The following SHB variants were observed in gnomAD, a reference collection of about 807,000 sequenced individuals.
The protein encoded by SHB is SH2 domain-containing adapter protein B.
A neutral mutation model predicts 52.3 loss-of-function variants in SHB; 20 were observed. That is an observed-to-expected ratio of 0.38 (90% CI 0.27 to 0.56). The LOEUF (loss-of-function observed/expected upper bound fraction) is 0.56. Ranked by LOEUF, SHB falls within the 20% of genes least tolerant of loss-of-function variation. The pLI, the probability that SHB is intolerant of heterozygous loss-of-function variation, is 0.71. For missense variants in SHB, 825 were observed against 723.3 expected (o/e 1.14, Z -1.61); for synonymous variants, 397 against 316.5 (o/e 1.25, Z -2.70).
At chr9:38,034,151 G>A (rs955967951) in intron 1 of SHB, among the ~76,000 whole-genome samples, 44 of 152,266 alleles carry the variant, frequency 2.9e-4, no homozygotes, top group Non-Finnish European at 5.0e-4. Flanking sequence ...CTCACCCTGC[G>A]GGCAAGCCCT....
Position 37,954,896 on chromosome 9 carries a change from G to C in SHB, c.1226+987C>G, listed in dbSNP as rs1294891026. On this transcript the variant is annotated intron_variant, in intron 4 of 5. Transcript: ENST00000377707. The stretch of plus-strand genomic sequence containing the variant: ...AGGGAGATGATAACCATGGCCAAGG[G>C]GAGGGGCAATAAAGGGCCCGGCCCT... Among the ~76,000 whole-genome samples the C allele has an allele frequency of 2.0e-5, 3 of 152,136 alleles. No homozygotes were observed. The South Asian group carries it at 6.2e-4, about 32-fold the overall frequency.
At chr9:37,989,076 T>TGC (rs1820847548) in intron 2 of SHB, among the ~76,000 whole-genome samples, 1 of 129,508 alleles carries the variant, frequency 7.7e-6, no homozygotes, top group African/African-American at 2.8e-5. Context: ...CACATGCACA[T>TGC]ACACACACAC....
chr9:37,957,612 C>T (rs1170597539), intron 3 of SHB, among the ~76,000 whole-genome samples: 2 of 152,170 alleles, frequency 1.3e-5, no homozygotes, highest in Non-Finnish European at 2.9e-5. Context: ...ACAGGTAGTC[C>T]ACCCGCGATG....
At chr9:37,951,672 T>C (rs1187719957) in intron 4 of SHB, among the ~76,000 whole-genome samples, 2 of 152,246 alleles carry the variant, frequency 1.3e-5, no homozygotes, top group African/African-American at 4.8e-5. Flanking sequence ...TGCTCTGAGA[T>C]GGGGGCATGG....
rs556151654 is a variant in SHB, at chr9:38,046,195, A to C, written c.717+21734T>G. On this transcript the variant is annotated intron_variant, in intron 1 of 5. Coordinates refer to ENST00000377707, the MANE Select transcript of SHB (RefSeq NM_003028.3). ...TGAGCCGAGATAAGAAAAAAAAAGA[A>C]AAGAGGCACCTAATGTTTTCAGCCA... 7.2e-5 allele frequency among the ~76,000 whole-genome samples: 11 copies of C among 152,138 alleles called. No homozygotes were observed. In the South Asian group the frequency reaches 2.3e-3, roughly 32 times the overall value.
chr9:38,049,512 G>A (rs968941984), intron 1 of SHB, among the ~76,000 whole-genome samples: 6 of 151,810 alleles, frequency 4.0e-5, no homozygotes, highest in Non-Finnish European at 8.8e-5. Flanking sequence ...TTGGGAGGCT[G>A]AGACAGAAGA....
At chr9:37,979,773 A>G (rs748819029) in intron 2 of SHB, among the ~76,000 whole-genome samples, 2 of 152,218 alleles carry the variant, frequency 1.3e-5, no homozygotes, top group South Asian at 4.1e-4. Flanking sequence ...TCTGGCCAAC[A>G]TGGTGAAACC....
rs117760110 is a variant in SHB, at chr9:37,944,595, G to A, written c.1346+4040C>T. Among the ~76,000 whole-genome samples, 431 of 152,174 alleles carry A rather than the reference G, an allele frequency of 2.8e-3. 2 individuals are homozygous for A. The highest frequency in any genetic ancestry group is 4.6e-3 in the Non-Finnish European group (311 of 68,004). On this transcript the variant is annotated intron_variant, in intron 5 of 5. Transcript: ENST00000377707. ...CTGCTGTGGACCCTGGCAGGCATTCGGCTTCCCCCAGCCTAAGATGAGGAA... is the reference window on the plus strand; with the variant it reads ...CTGCTGTGGACCCTGGCAGGCATTCAGCTTCCCCCAGCCTAAGATGAGGAA...
intron 1 of SHB, among the ~76,000 whole-genome samples, chr9:38,052,488 C>T (rs1458829936): frequency 2.6e-5 from 4 of 152,212 alleles, no homozygotes; most frequent in African/African-American, 4.8e-5. Flanking sequence ...AATCTATCCT[C>T]CTGACAAGCG....
intron 1 of SHB, among the ~76,000 whole-genome samples, chr9:38,049,332 G>T (rs1821704740): frequency 6.6e-6 from 1 of 152,168 alleles, no homozygotes; most frequent in South Asian, 2.1e-4. Flanking sequence ...GGCTCAGATG[G>T]GTGTGGTGGC....
chr9:37,984,677 C>A (rs182740950), intron 2 of SHB, among the ~76,000 whole-genome samples: 2 of 152,128 alleles, frequency 1.3e-5, no homozygotes, highest in African/African-American at 4.8e-5. Flanking sequence ...CCTGGCACCA[C>A]GGAGTGAGCG....
At chr9:37,997,746 C>T (rs1184320216) in intron 2 of SHB, among the ~76,000 whole-genome samples, 1 of 152,242 alleles carries the variant, frequency 6.6e-6, no homozygotes, top group Admixed American at 6.5e-5. Context: ...GTACCTCTCA[C>T]ATCACAGAGA....
intron 1 of SHB, among the ~76,000 whole-genome samples, chr9:38,024,170 C>T (rs1821313730): frequency 6.6e-6 from 1 of 152,264 alleles, no homozygotes; most frequent in Non-Finnish European, 1.5e-5. Flanking sequence ...ACTCCGCCCA[C>T]ATGCCTTCAG....
At chr9:37,971,594 C>A (rs1310232094) in intron 3 of SHB, among the ~76,000 whole-genome samples, 1 of 152,198 alleles carries the variant, frequency 6.6e-6, no homozygotes, top group East Asian at 1.9e-4. Context: ...AAAAGCACAG[C>A]CAGCACCCGC....
chr9:38,035,515 C>T (rs1367710186), intron 1 of SHB, among the ~76,000 whole-genome samples: 1 of 151,842 alleles, frequency 6.6e-6, no homozygotes, highest in African/African-American at 2.4e-5. Context: ...ACAGGCTGCT[C>T]AGTGAGAGAG....
intron 3 of SHB, among the ~76,000 whole-genome samples, chr9:37,966,310 T>C (rs1564090292): frequency 6.6e-6 from 1 of 152,198 alleles, no homozygotes; most frequent in Non-Finnish European, 1.5e-5. Flanking sequence ...TTTTTTCCAC[T>C]GAGGAGACAA....
intron 2 of SHB, among the ~76,000 whole-genome samples, chr9:37,998,664 G>C (rs1417161749): frequency 1.3e-5 from 2 of 152,186 alleles, no homozygotes; most frequent in Non-Finnish European, 2.9e-5. Context: ...TGTTGCCTAG[G>C]TTAGCCTCAA....
intron 1 of SHB, among the ~76,000 whole-genome samples, chr9:38,031,832 G>T (rs572337481): frequency 1.3e-5 from 2 of 152,132 alleles, no homozygotes; most frequent in East Asian, 3.8e-4. Flanking sequence ...ATCCTGAAAG[G>T]GAGGCAAAGG....
In SHB at chr9:37,922,156, G is replaced by C. The variant is rs1169477097; in HGVS notation, c.1347-2152C>G. 3.9e-5 allele frequency among the ~76,000 whole-genome samples: 6 copies of C among 152,364 alleles called. No homozygotes were observed. In the South Asian group the frequency reaches 1.2e-3, roughly 32 times the overall value. ...GGGGGACAGAGTGGAGGAGGTGTCAGGCAGAGGGTCACAGCCGCTGGCGGG... is the reference window on the plus strand; with the variant it reads ...GGGGGACAGAGTGGAGGAGGTGTCACGCAGAGGGTCACAGCCGCTGGCGGG... On this transcript the variant is annotated intron_variant, in intron 5 of 5. Transcript: ENST00000377707.
Sources: allele counts gnomAD v4.1 joint callset (sites outside exome capture counted in the v4.1 genomes callset), GRCh38; gene constraint gnomAD v4.1.1; transcripts MANE v1.5; gene names NCBI Gene and HGNC (gene_info 2026-07-23, HGNC 2026-07-21).